MACROD2: variants seen among roughly 807,000 people sequenced by gnomAD.
MACROD2 encodes mono-ADP ribosylhydrolase 2.
A neutral mutation model predicts 70.4 loss-of-function variants in MACROD2; 36 were observed. The ratio of observed to expected loss-of-function variants is 0.51; its 90% CI spans 0.39 to 0.68. MACROD2 has a LOEUF of 0.68. MACROD2 is among the 30% of genes least tolerant of loss of function. The probability of loss-of-function intolerance (pLI) is 0.00; values close to 1 mark genes in which losing one functional copy is unlikely to be tolerated. For missense variants in MACROD2, 496 were observed against 538.4 expected (o/e 0.92, Z 0.78); for synonymous variants, 172 against 178.8 (o/e 0.96, Z 0.30).
chr20:14,446,474 T>C (rs2084184023), intron 3 of MACROD2, among the ~76,000 whole-genome samples: 1 of 152,102 alleles, frequency 6.6e-6, no homozygotes, highest in African/African-American at 2.4e-5. Context: ...AGACCTCTTT[T>C]CCCTTATTAT....
chr20:14,808,349 A>G (rs2072665553), intron 5 of MACROD2, among the ~76,000 whole-genome samples: 2 of 152,142 alleles, frequency 1.3e-5, no homozygotes, highest in African/African-American at 4.8e-5. Flanking sequence ...TCATAAGTGA[A>G]GAAGAAATAA....
At chr20:15,782,254 A>G (rs928594427) in intron 8 of MACROD2, among the ~76,000 whole-genome samples, 1 of 152,124 alleles carries the variant, frequency 6.6e-6, no homozygotes, top group Admixed American at 6.5e-5. Context: ...AAGAAATATC[A>G]TTGTTTCAGA....
At chr20:14,528,913 GTAA>G (rs1297987215) in intron 4 of MACROD2, among the ~76,000 whole-genome samples, 2 of 152,186 alleles carry the variant, frequency 1.3e-5, no homozygotes, top group African/African-American at 4.8e-5. Context: ...TGGGTCTTAT[GTAA>G]TAATAACTAG....
At chr20:14,714,668 T>C (rs1271659664) in intron 5 of MACROD2, among the ~76,000 whole-genome samples, 1 of 152,170 alleles carries the variant, frequency 6.6e-6, no homozygotes, top group African/African-American at 2.4e-5. Context: ...GGGACTTTGC[T>C]GTTTCCTCTT....
At chr20:14,843,163 C>CT (rs11389584) in intron 5 of MACROD2, among the ~76,000 whole-genome samples, 52,804 of 119,152 alleles carry the variant, frequency 0.44, 13,341 homozygotes, top group Non-Finnish European at 0.54. Flanking sequence ...TGTTCATTAA[C>CT]TTTTTTTTTT....
In MACROD2 at chr20:16,044,610, C is replaced by CAGAG; in HGVS notation, c.1274_1277dup (p.Ser426ArgfsTer15). ...CAGGTTGACAAGGTAAATGACCCAA[C>CAGAG]AGAGAGTCAACAAGAAGATCAACTA... On this transcript the variant is annotated frameshift_variant, in exon 17 of 18. Coordinates refer to ENST00000684519, the MANE Select transcript of MACROD2 (RefSeq NM_001351661.2). LOFTEE classifies it high-confidence loss of function. 6.2e-7 allele frequency: 1 copy of CAGAG among 1,611,674 alleles called. No individual in the cohort carries two copies. Among genetic ancestry groups the CAGAG allele is most frequent in the Non-Finnish European group, 8.5e-7 (1 of 1,179,038 alleles).
chr20:16,007,913 TAA>T (rs897721451), intron 15 of MACROD2, among the ~76,000 whole-genome samples: 2 of 152,228 alleles, frequency 1.3e-5, no homozygotes, highest in African/African-American at 4.8e-5. Flanking sequence ...CAACTTTATA[TAA>T]GTTTCACAGT....
rs545571324 is a variant in MACROD2 at position 14,606,227 on chromosome 20, G to A, written c.302-78616G>A. 7.9e-5 allele frequency among the ~76,000 whole-genome samples: 12 copies of A among 152,232 alleles called. No individual in the cohort carries two copies. In the South Asian group the frequency reaches 2.5e-3, roughly 32 times the overall value. ...GTTTGAAAAGTGGGCTTTAGAGTAA[G>A]AAAAACAAATGTGGCTGCATCTCAA... On this transcript the variant is annotated intron_variant, in intron 4 of 17. Coordinates refer to ENST00000684519, the MANE Select transcript of MACROD2 (RefSeq NM_001351661.2).
intron 4 of MACROD2, among the ~76,000 whole-genome samples, chr20:14,659,407 CA>C (rs1312146138): frequency 6.6e-6 from 1 of 152,170 alleles, no homozygotes; most frequent in East Asian, 1.9e-4. Flanking sequence ...CAGTTCTCCT[CA>C]CCTGCTGGGG....
chr20:15,266,970 C>T (rs1314767318), intron 6 of MACROD2, among the ~76,000 whole-genome samples: 1 of 152,204 alleles, frequency 6.6e-6, no homozygotes, highest in Non-Finnish European at 1.5e-5. Context: ...GTTCTTGTGG[C>T]TTAGCAGCCA....
At chr20:15,298,619 A>G (rs539211220) in intron 6 of MACROD2, among the ~76,000 whole-genome samples, 1 of 152,332 alleles carries the variant, frequency 6.6e-6, no homozygotes, top group South Asian at 2.1e-4. Flanking sequence ...CTTTGAAACT[A>G]GTGTGTGTTT....
Position 15,937,539 on chromosome 20 carries a change from A to G in MACROD2, c.902A>G (p.Asp301Gly), listed in dbSNP as rs1262712426. 6.2e-7 allele frequency: 1 copy of G among 1,613,016 alleles called. No homozygotes were observed. Reference protein sequence around the residue: ...ASEEAVEDCKDEDFAKDENIT... With the variant: ...ASEEAVEDCKGEDFAKDENIT... ...GAAGAGGCAGTTGAAGACTGTAAAG[A>G]TGAAGGTATGAGGCTACTAACTATA... Residue 301 changes from aspartate (D) to glycine (G), a missense_variant, in exon 12 of 18, where the codon GAT (aspartate) becomes GGT (glycine). Physicochemically the swap from Asp to Gly is moderately conservative, Grantham distance 94 (BLOSUM62 -1). Transcript: ENST00000684519.
chr20:15,042,156 A>G (rs1468954557), intron 5 of MACROD2, among the ~76,000 whole-genome samples: 4 of 152,226 alleles, frequency 2.6e-5, no homozygotes, highest in African/African-American at 9.6e-5. Context: ...AAATTATCCT[A>G]TGACAAATAG....
intron 4 of MACROD2, among the ~76,000 whole-genome samples, chr20:14,638,901 G>A (rs1984936961): frequency 6.7e-6 from 1 of 149,152 alleles, no homozygotes; most frequent in African/African-American, 2.5e-5. Flanking sequence ...AGTGAGCCAA[G>A]ATCGTGCCAC....
At chr20:14,535,629 G>C (rs1782077022) in intron 4 of MACROD2, among the ~76,000 whole-genome samples, 1 of 151,896 alleles carries the variant, frequency 6.6e-6, no homozygotes, top group South Asian at 2.1e-4. Context: ...TTAAAGTCTT[G>C]AGTATATAGT....
chr20:14,446,783 G>T (rs2084187436), intron 3 of MACROD2, among the ~76,000 whole-genome samples: 1 of 152,000 alleles, frequency 6.6e-6, no homozygotes. Context: ...CACTCCAAGT[G>T]ATATGGTAAT....
At chr20:15,619,556 G>T in intron 8 of MACROD2, 1 of 421,572 alleles carries the variant, frequency 2.4e-6, no homozygotes, top group Non-Finnish European at 4.3e-6. Flanking sequence ...GTGGGGATGT[G>T]GTCACCAGTC....
intron 7 of MACROD2, among the ~76,000 whole-genome samples, chr20:15,451,508 G>C (rs2046643287): frequency 6.6e-6 from 1 of 151,450 alleles, no homozygotes; most frequent in African/African-American, 2.4e-5. Context: ...TCCCTCTGAG[G>C]CTAAATCCAG....
At chr20:14,448,719 A>C (rs887781038) in intron 3 of MACROD2, among the ~76,000 whole-genome samples, 60 of 152,058 alleles carry the variant, frequency 3.9e-4, no homozygotes, top group African/African-American at 1.4e-3. Context: ...AGACAAACAT[A>C]ACATTGACTT....
Sources: allele counts gnomAD v4.1 joint callset (sites outside exome capture counted in the v4.1 genomes callset), GRCh38; gene constraint gnomAD v4.1.1; transcripts MANE v1.5; gene names NCBI Gene and HGNC (gene_info 2026-07-23, HGNC 2026-07-21).